The following MYO15A variants were observed in gnomAD, a reference collection of about 807,000 sequenced individuals.
The protein encoded by MYO15A is myosin XVA.
Under a neutral mutation model 394.6 loss-of-function variants are expected in MYO15A, and 308 were observed. The ratio of observed to expected loss-of-function variants is 0.78; its 90% CI spans 0.71 to 0.86. The LOEUF (loss-of-function observed/expected upper bound fraction) is 0.86. MYO15A is among the 40% of genes least tolerant of loss of function. MYO15A has a pLI of 0.00. For missense variants in MYO15A, 4,606 were observed against 4,799.1 expected (o/e 0.96, Z 1.19); for synonymous variants, 1,957 against 2,003.8 (o/e 0.98, Z 0.62).
In MYO15A at chr17:18,138,264, T is replaced by C; in HGVS notation, c.5007+18T>C. The C allele has an allele frequency of 6.2e-7, 1 of 1,610,464 alleles. No individual in the cohort carries two copies. The highest frequency in any genetic ancestry group is 8.5e-7 in the Non-Finnish European group (1 of 1,179,856). ...TTCCCCAGGTGAGCCGCAGGCACTG[T>C]GTGAGCCTAGTCAGGTCACAGATCT... On this transcript the variant is annotated intron_variant, in intron 17 of 65. Coordinates refer to ENST00000647165, the MANE Select transcript of MYO15A (RefSeq NM_016239.4).
chr17:18,121,569 C>A lies in MYO15A; in HGVS notation c.2769C>A (p.Pro923=). ...ACTCAGAGACGCCCTGGACTGTGCC[C>A]CCACTGGCCCCCAGCTGGGACGTGG... ...PEDSETPWTV[P]PLAPSWDVDM... is the part of the protein sequence containing the mutation. The change falls in exon 2 of 66, where the codon CCC becomes CCA. Residue 923 remains proline (P), a synonymous_variant. Coordinates refer to ENST00000647165, the MANE Select transcript of MYO15A (RefSeq NM_016239.4). This position sits in a 1 kb window ranked among gnomAD's most constrained non-coding sequence, Gnocchi z 5.3. 1 of 1,590,806 alleles carries A rather than the reference C, an allele frequency of 6.3e-7. No homozygotes were observed.
chr17:18,124,172 G>A (rs1403245611), intron 2 of MYO15A: 5 of 418,394 alleles, frequency 1.2e-5, no homozygotes, highest in Middle Eastern at 7.1e-4. Context: ...GAAGAGTTGC[G>A]GTTGGGAGGG....
In MYO15A at chr17:18,124,637, C is replaced by A. The variant is rs375044265; in HGVS notation, c.3692+72C>A. On this transcript the variant is annotated intron_variant, in intron 3 of 65. Coordinates refer to ENST00000647165, the MANE Select transcript of MYO15A (RefSeq NM_016239.4). ...CCCCACCCTCCCAGCCAGAGCAGCT[C>A]CTCCTGCAGTTGCCTCTCACCTCCC... The A allele has an allele frequency of 1.9e-5, 27 of 1,457,522 alleles. No individual in the cohort carries two copies. The African/African-American group carries it at 2.2e-4, about 12-fold the overall frequency. The allele number at this position is 1,457,522 out of a possible 1,614,324, so 90.3% of individuals were successfully genotyped here.
In MYO15A at chr17:18,148,678, G is replaced by A; in HGVS notation, c.6765-83G>A. 2 of 1,547,304 alleles carry A rather than the reference G, an allele frequency of 1.3e-6. No homozygotes were observed. The highest frequency in any genetic ancestry group is 1.7e-6 in the Non-Finnish European group (2 of 1,144,496). ...AGGGTCCATTCTGTTCATGTTTAGG[G>A]TCTGGCTTATAACCCAGGATCTCCC... On this transcript the variant is annotated intron_variant, in intron 32 of 65. Coordinates refer to ENST00000647165, the MANE Select transcript of MYO15A (RefSeq NM_016239.4). This position sits in a 1 kb window ranked among gnomAD's most constrained non-coding sequence, Gnocchi z 4.8.
chr17:18,162,387 T>G (rs1349490408), intron 57 of MYO15A, among the ~76,000 whole-genome samples, 198 bp from the exon 58 acceptor site: 1 of 152,178 alleles, frequency 6.6e-6, no homozygotes, highest in East Asian at 1.9e-4. Context: ...CAAATCCAGC[T>G]CTTAACCTCT....
In MYO15A at chr17:18,159,291, C is replaced by T. The variant is rs2046738365; in HGVS notation, c.9173C>T (p.Ser3058Phe). 1 of 1,614,080 alleles carries T rather than the reference C, an allele frequency of 6.2e-7. No homozygotes were observed. Among genetic ancestry groups the T allele is most frequent in the Non-Finnish European group, 8.5e-7 (1 of 1,180,034 alleles). ...LCFTKTPLQE[S>F]LIELSDSSLS... Reference sequence around the variant, plus strand: ...CCCCCACAGACTCCCCTCCAGGAATCCCTCATCGAACTCAGCGACAGCAGC... The same window carrying T: ...CCCCCACAGACTCCCCTCCAGGAATTCCTCATCGAACTCAGCGACAGCAGC... The change falls in exon 54 of 66, where the codon TCC becomes TTC. Residue 3058 changes from serine to phenylalanine, a missense_variant. Physicochemically the swap from Ser to Phe is radical, Grantham distance 155. Transcript: ENST00000647165.
At chr17:18,139,178 T>G in intron 18 of MYO15A, 1 of 640,150 alleles carries the variant, frequency 1.6e-6, no homozygotes, top group Non-Finnish European at 2.9e-6. Context: ...TAGGGTGGGT[T>G]TGATAAAGAG....
intron 42 of MYO15A, 95 bp downstream of exon 42, chr17:18,152,279 T>C (rs2046599344): frequency 3.2e-6 from 4 of 1,230,934 alleles, no homozygotes; most frequent in East Asian, 2.5e-5. Flanking sequence ...TGTGTGTCTA[T>C]GTCCCTGAGC....
chr17:18,176,132 A>T (rs2142443712), intron 65 of MYO15A, among the ~76,000 whole-genome samples: 1 of 152,166 alleles, frequency 6.6e-6, no homozygotes, highest in Middle Eastern at 3.4e-3. Context: ...TCATTTAGTT[A>T]TTTGTTTATG....
chr17:18,161,497 G>T, intron 57 of MYO15A, 50 bp downstream of exon 57: 1 of 1,608,026 alleles, frequency 6.2e-7, no homozygotes, highest in Non-Finnish European at 8.5e-7. Flanking sequence ...CTCCCTTGGG[G>T]ACTGGGTGGA....
chr17:18,122,801 C>G (rs2045962512), intron 2 of MYO15A: 1 of 203,424 alleles, frequency 4.9e-6, no homozygotes, highest in African/African-American at 2.3e-5. Flanking sequence ...CCATCCTGTT[C>G]CACCGCACAT....
At position 18,120,533 on chromosome 17, in the gene MYO15A, A is replaced by C; in HGVS notation, c.1733A>C (p.Lys578Thr). Residue 578 changes from lysine (K) to threonine (T), a missense_variant, in exon 2 of 66, where the codon AAG becomes ACG. Around this residue, in one of 2 missense-constraint regions of MYO15A, gnomAD observed 1,830 missense variants for 1,689.7 expected, o/e 1.08. Transcript: ENST00000647165. ...ACCTCGCTTGCGCGGTTCCTCAAGA[A>C]GACGCTGTCGGAGAAGAAGCCCATC... ...PATSLARFLK[K>T]TLSEKKPIAR... 6.3e-7 allele frequency: 1 copy of C among 1,593,784 alleles called. No homozygotes were observed. The highest frequency in any genetic ancestry group is 8.5e-7 in the Non-Finnish European group (1 of 1,172,768).
chr17:18,162,351 G>T (rs900515927), intron 57 of MYO15A, among the ~76,000 whole-genome samples: 1 of 152,170 alleles, frequency 6.6e-6, no homozygotes, highest in Non-Finnish European at 1.5e-5. Context: ...TAGATAAAAG[G>T]TCCTTAGCCA....
At position 18,130,812 on chromosome 17, in the gene MYO15A, T is replaced by A; in HGVS notation, c.4038+2T>A. ...TCCTGGACGCTCTTGAAGATAAAGGTACTCAGTGTGTGTGTGTGTGTGTGT... is the reference window on the plus strand; with the variant it reads ...TCCTGGACGCTCTTGAAGATAAAGGAACTCAGTGTGTGTGTGTGTGTGTGT... On this transcript the variant is annotated splice_donor_variant, in intron 8 of 65. Transcript: ENST00000647165. LOFTEE classifies it high-confidence loss of function. 1 of 1,476,898 alleles carries A rather than the reference T, an allele frequency of 6.8e-7. No individual in the cohort carries two copies. Among genetic ancestry groups the A allele is most frequent in the Non-Finnish European group, 9.2e-7 (1 of 1,089,480 alleles). 91.5% of individuals were successfully genotyped at this position (1,476,898 alleles called of 1,614,324 possible).
chr17:18,120,358 C>A lies in MYO15A; in HGVS notation c.1558C>A (p.Pro520Thr). The A allele has an allele frequency of 6.2e-7, 1 of 1,611,968 alleles. No individual in the cohort carries two copies. The highest frequency in any genetic ancestry group is 8.5e-7 in the Non-Finnish European group (1 of 1,179,960). ...ADEEEDEEELPPVSAVPYGHP... is the reference protein window; with the variant it reads ...ADEEEDEEELTPVSAVPYGHP... ...CGAAGAAGAGGACGAGGAGGAGCTG[C>A]CCCCGGTTTCCGCTGTGCCCTACGG... is the stretch of plus-strand genomic sequence containing the variant. The change falls in exon 2 of 66, where the codon CCC becomes ACC. Residue 520 changes from proline (P) to threonine (T), a missense_variant. By Grantham distance (38) the Pro-to-Thr change is conservative. This residue lies in a region of MYO15A where 1,830 missense variants were observed against 1,689.7 expected (regional missense o/e 1.08). Transcript: ENST00000647165.
Position 18,154,768 on chromosome 17 carries a change from AGAG to A in MYO15A, c.8224+18_8224+20del, listed in dbSNP as rs1239646594. On this transcript the variant is annotated intron_variant, in intron 45 of 65. Coordinates refer to ENST00000647165, the MANE Select transcript of MYO15A (RefSeq NM_016239.4). ...AAGGCCTTGTTTGGTATCTCGGGGG[AGAG>A]GAGGGGTACTGATGGGGCAACCAGT... The A allele has an allele frequency of 6.2e-7, 1 of 1,611,770 alleles. No homozygotes were observed.
At chr17:18,139,127 G>T (rs1412539933) in intron 18 of MYO15A, 191 bp downstream of exon 18, 2 of 776,656 alleles carry the variant, frequency 2.6e-6, no homozygotes, top group Admixed American at 2.1e-5. Flanking sequence ...GGAAAATGGG[G>T]TAATAATAGT....
In MYO15A at chr17:18,151,343, G is replaced by A. The variant is rs2046577482; in HGVS notation, c.7655-52G>A. The A allele has an allele frequency of 3.7e-6, 6 of 1,614,198 alleles. No individual in the cohort carries two copies. In the South Asian group the frequency reaches 5.5e-5, roughly 15 times the overall value. ...CTTCCCAGGACAGGCCTGGTGGTGT[G>A]GTTGTGCCCCTTGTGGCCTCACCCT... On this transcript the variant is annotated intron_variant, in intron 39 of 65. Coordinates refer to ENST00000647165, the MANE Select transcript of MYO15A (RefSeq NM_016239.4).
In MYO15A at chr17:18,157,751, G is replaced by C; in HGVS notation, c.8818G>C (p.Val2940Leu). Residue 2940 changes from valine (V) to leucine (L), a missense_variant, in exon 51 of 66, where the codon GTG (valine) becomes CTG (leucine). Val to Leu is a conservative substitution (Grantham distance 32). Around this residue, in one of 2 missense-constraint regions of MYO15A, gnomAD observed 2,776 missense variants for 3,109.3 expected, o/e 0.89. Transcript: ENST00000647165. ...GWRFGTIHGRVGRFPSELVQP... is the reference protein window; with the variant it reads ...GWRFGTIHGRLGRFPSELVQP... ...GAGGTTCGGGACCATCCACGGGCGC[G>C]TGGGCCGCTTCCCTTCGGAGCTGGT... The C allele has an allele frequency of 6.2e-7, 1 of 1,606,370 alleles. No individual in the cohort carries two copies. Among genetic ancestry groups the C allele is most frequent in the South Asian group, 1.1e-5 (1 of 91,084 alleles).
Sources: allele counts gnomAD v4.1 joint callset (sites outside exome capture counted in the v4.1 genomes callset), GRCh38; gene constraint gnomAD v4.1.1; regional missense constraint gnomAD v4.1.1; non-coding constraint Gnocchi (gnomAD v3.1); transcripts MANE v1.5; gene names NCBI Gene and HGNC (gene_info 2026-07-23, HGNC 2026-07-21).